Variants in CDC42EP1 observed in about 807,000 individuals in gnomAD.
CDC42EP1 encodes the protein CDC42 effector protein 1.
CDC42EP1 carries 6 observed loss-of-function variants against 7.4 expected under a neutral mutation model. The observed-to-expected ratio is 0.81, with a 90% confidence interval of 0.44 to 1.60. The LOEUF (loss-of-function observed/expected upper bound fraction) is 1.60, where lower values mean the gene tolerates loss of function less well. CDC42EP1 is among the 40% of genes most tolerant of loss of function. The probability of loss-of-function intolerance (pLI) is 0.01; values close to 1 mark genes in which losing one functional copy is unlikely to be tolerated. For missense variants in CDC42EP1, 567 were observed against 539.0 expected, an observed-to-expected ratio of 1.05 and a Z score of -0.51; for synonymous variants, 238 against 227.1, an observed-to-expected ratio of 1.05 and a Z score of -0.43.
Position 37,568,641 on chromosome 22 carries a change from G to T in CDC42EP1, c.997G>T (p.Glu333Ter). ...AGWDGGHHYP[E>*]MDARQERVEV... ...CTGGGATGGCGGCCACCACTACCCA[G>T]AGATGGATGCGCGGCAGGAGCGGGT... Residue 333 changes from glutamate (E) to a stop codon, truncating the protein, a stop_gained, in exon 3 of 3, where the codon GAG (glutamate) becomes TAG (stop). Transcript: ENST00000249014. LOFTEE classifies it low-confidence loss of function (END_TRUNC). The T allele has an allele frequency of 3.2e-6, 5 of 1,581,306 alleles. No homozygotes were observed. The South Asian group carries it at 5.7e-5, about 18-fold the overall frequency.
intron 1 of CDC42EP1, among the ~76,000 whole-genome samples, chr22:37,565,408 G>C (rs1925195003): frequency 6.6e-6 from 1 of 151,676 alleles, no homozygotes; most frequent in African/African-American, 2.4e-5. Flanking sequence ...CTCAGACTTA[G>C]AATGAGTGAA....
At position 37,568,179 on chromosome 22, in the gene CDC42EP1, G is replaced by C. The variant is rs1352090598; in HGVS notation, c.535G>C (p.Gly179Arg). 1.2e-6 allele frequency: 2 copies of C among 1,614,036 alleles called. No homozygotes were observed. The highest frequency in any genetic ancestry group is 1.7e-6 in the Non-Finnish European group (2 of 1,179,990). Residue 179 changes from glycine to arginine, a missense_variant, in exon 3 of 3, where the codon GGT becomes CGT. Physicochemically the swap from Gly to Arg is moderately radical, Grantham distance 125. Coordinates refer to ENST00000249014, the MANE Select transcript of CDC42EP1 (RefSeq NM_152243.3). ...SEKPHDRDRD[G>R]SFPSEPGLRR... ...AAAGCCGCATGACCGAGACCGGGAT[G>C]GTTCCTTCCCCTCTGAGCCCGGGCT...
chr22:37,567,985 C>T (rs548125575), intron 2 of CDC42EP1, 123 bp from the exon 3 acceptor site: 107 of 770,402 alleles, frequency 1.4e-4, no homozygotes, highest in African/African-American at 9.7e-4. Flanking sequence ...TGGGAGAAAC[C>T]GAGGCCAGAG....
chr22:37,561,624 A>G lies in CDC42EP1; in HGVS notation c.-279+1036A>G, dbSNP rs535946980. On this transcript the variant is annotated intron_variant, in intron 1 of 2. Coordinates refer to ENST00000249014, the MANE Select transcript of CDC42EP1 (RefSeq NM_152243.3). ...GCAGGAGAAGTCAGCCGACCGGTTT[A>G]ACCCCTTATTCCAGGGACCAGAGCA... Among the ~76,000 whole-genome samples, 11 of 152,326 alleles carry G rather than the reference A, an allele frequency of 7.2e-5. No individual in the cohort carries two copies. The East Asian group carries it at 2.1e-3, about 29-fold the overall frequency.
chr22:37,566,691 C>T lies in CDC42EP1; in HGVS notation c.342C>T (p.Pro114=). 1 of 1,612,004 alleles carries T rather than the reference C, an allele frequency of 6.2e-7. No individual in the cohort carries two copies. Among genetic ancestry groups the T allele is most frequent in the Non-Finnish European group, 8.5e-7 (1 of 1,178,796 alleles). Residue 114 remains proline (P), a synonymous_variant, in exon 2 of 3, where the codon CCC becomes CCT. Transcript: ENST00000249014. This position sits in a 1 kb window ranked among gnomAD's most constrained non-coding sequence, Gnocchi z 6.4. The part of the protein sequence containing the change: ...APSPAPPAIS[P]IIKNAISLPQ... ...CCCCGGCTCCACCGGCCATCTCCCC[C>T]ATCATCAAGAACGCCATCTCCCTGC... is the stretch of plus-strand genomic sequence containing the variant.
chr22:37,562,911 C>T (rs1925097804), intron 1 of CDC42EP1, among the ~76,000 whole-genome samples: 1 of 152,036 alleles, frequency 6.6e-6, no homozygotes. Context: ...AATTTGAGAC[C>T]AACCTGGGCA....
At position 37,566,877 on chromosome 22, in the gene CDC42EP1, T is replaced by G; in HGVS notation, c.463+65T>G. 2.4e-6 allele frequency: 3 copies of G among 1,255,402 alleles called. No homozygotes were observed. The highest frequency in any genetic ancestry group is 2.2e-6 in the Non-Finnish European group (2 of 906,552). The allele number at this position is 1,255,402 out of a possible 1,614,324, so 77.8% of individuals were successfully genotyped here. The stretch of plus-strand genomic sequence containing the variant: ...GAGGCTGAGGCCCAGAGGGGTTCAG[T>G]GGCTCCTCCAAGCTCCAAGTGAGCT... On this transcript the variant is annotated intron_variant, in intron 2 of 2. Transcript: ENST00000249014. This position sits in a 1 kb window ranked among gnomAD's most constrained non-coding sequence, Gnocchi z 6.4.
intron 1 of CDC42EP1, chr22:37,565,826 C>T (rs56763734): frequency 0.014 from 2,082 of 152,104 alleles, 46 homozygotes; most frequent in African/African-American, 0.048. Context: ...GTGAGCCACC[C>T]ACCTCAACCT....
In CDC42EP1 at chr22:37,568,898, G is replaced by A. The variant is rs112061003; in HGVS notation, c.*78G>A. ...CCTAACAGCTGGTTCCTACCAGACC[G>A]GAGAGGGGAGAAGTCATGTTGCCCC... is the stretch of plus-strand genomic sequence containing the variant. On this transcript the variant is annotated 3_prime_UTR_variant, in exon 3 of 3. Transcript: ENST00000249014. 0.015 allele frequency: 15,500 copies of A among 1,005,938 alleles called. 162 individuals carry two copies. Among genetic ancestry groups the A allele is most frequent in the Non-Finnish European group, 0.018 (13,511 of 732,878 alleles). The allele number at this position is 1,005,938 out of a possible 1,614,324, so 62.3% of individuals were successfully genotyped here.
intron 1 of CDC42EP1, among the ~76,000 whole-genome samples, chr22:37,564,713 GTTAC>G (rs1281149279): frequency 1.3e-5 from 2 of 151,982 alleles, no homozygotes; most frequent in East Asian, 3.8e-4. Context: ...CCTCAGGCAA[GTTAC>G]GTCACTTTGT....
Position 37,568,574 on chromosome 22 carries a change from A to G in CDC42EP1, c.930A>G (p.Arg310=). ...VKSSPVGGGP[R]GPAGPALGRH... ...CCAGCCCAGTGGGAGGGGGTCCCCG[A>G]GGACCTGCTGGCCCTGCCCTCGGCA... The change falls in exon 3 of 3, where the codon CGA becomes CGG. Residue 310 remains arginine (R), a synonymous_variant. Transcript: ENST00000249014. 1 of 1,604,174 alleles carries G rather than the reference A, an allele frequency of 6.2e-7. No homozygotes were observed. The highest frequency in any genetic ancestry group is 8.5e-7 in the Non-Finnish European group (1 of 1,175,758).
At position 37,566,774 on chromosome 22, in the gene CDC42EP1, G is replaced by A. The variant is rs147161865; in HGVS notation, c.425G>A (p.Ser142Asn). ...SLVVGKLSFD[S>N]SPTSSTDGHS... ...GTGGTTGGCAAGCTCAGCTTCGACA[G>A]CAGCCCCACCAGCTCCACGGACGGC... is the stretch of plus-strand genomic sequence containing the variant. The change falls in exon 2 of 3, where the codon AGC becomes AAC. Residue 142 changes from serine (S) to asparagine (N), a missense_variant. Transcript: ENST00000249014. This position sits in a 1 kb window ranked among gnomAD's most constrained non-coding sequence, Gnocchi z 6.4. 53 of 1,584,394 alleles carry A rather than the reference G, an allele frequency of 3.3e-5. No individual in the cohort carries two copies. The highest frequency in any genetic ancestry group is 4.5e-5 in the Non-Finnish European group (53 of 1,165,882).
intron 1 of CDC42EP1, among the ~76,000 whole-genome samples, chr22:37,563,502 C>CA (rs1378664719): frequency 6.6e-6 from 1 of 152,038 alleles, no homozygotes; most frequent in Non-Finnish European, 1.5e-5. Flanking sequence ...AGTTCCCCCC[C>CA]ACGAGGGGGA....
At position 37,566,303 on chromosome 22, in the gene CDC42EP1, C is replaced by A; in HGVS notation, c.-47C>A. 9.3e-7 allele frequency: 1 copy of A among 1,078,930 alleles called. No individual in the cohort carries two copies. The highest frequency in any genetic ancestry group is 1.3e-6 in the Non-Finnish European group (1 of 788,460). 66.8% of individuals were successfully genotyped at this position (1,078,930 alleles called of 1,614,324 possible). A position where few individuals can be genotyped will look rare whatever the true frequency, so the allele number is the denominator to read the frequency against. On this transcript the variant is annotated 5_prime_UTR_variant, in exon 2 of 3. Transcript: ENST00000249014. The surrounding 1 kb of genome is among the most constrained non-coding windows in gnomAD (Gnocchi z 6.4). ...CCCAAGCCCAGCCCACCTCCCTCCC[C>A]CGGCCCCTGGTAGGCATGGACTAGC...
chr22:37,560,816 G>A (rs1219937314), intron 1 of CDC42EP1, among the ~76,000 whole-genome samples: 1 of 152,046 alleles, frequency 6.6e-6, no homozygotes, highest in Non-Finnish European at 1.5e-5. Flanking sequence ...GCTGGTGGAG[G>A]GGGCAGAGGA....
Position 37,568,569 on chromosome 22 carries a change from C to T in CDC42EP1, c.925C>T (p.Pro309Ser), listed in dbSNP as rs1476290333. The T allele has an allele frequency of 3.1e-6, 5 of 1,604,564 alleles. No homozygotes were observed. The highest frequency in any genetic ancestry group is 4.3e-6 in the Non-Finnish European group (5 of 1,175,892). ...GAAGTCCAGCCCAGTGGGAGGGGGTCCCCGAGGACCTGCTGGCCCTGCCCT... is the reference window on the plus strand; with the variant it reads ...GAAGTCCAGCCCAGTGGGAGGGGGTTCCCGAGGACCTGCTGGCCCTGCCCT... ...EVKSSPVGGG[P>S]RGPAGPALGR... The change falls in exon 3 of 3, where the codon CCC (proline) becomes TCC (serine). Residue 309 changes from proline (P) to serine (S), a missense_variant. Pro to Ser is a moderately conservative substitution (Grantham distance 74). Transcript: ENST00000249014.
At chr22:37,562,467 G>A (rs1358757784) in intron 1 of CDC42EP1, among the ~76,000 whole-genome samples, 2 of 152,200 alleles carry the variant, frequency 1.3e-5, no homozygotes, top group Non-Finnish European at 2.9e-5. Flanking sequence ...GTGTAAAGGT[G>A]TCAGATTTGA....
Position 37,568,029 on chromosome 22 carries a change from C to A in CDC42EP1, c.464-79C>A, listed in dbSNP as rs752673318. ...GACTAGCCAGAGGCCACACAGCAAGCCAGGACTGGTCCTGTCTCCCCTCCT... is the reference window on the plus strand; with the variant it reads ...GACTAGCCAGAGGCCACACAGCAAGACAGGACTGGTCCTGTCTCCCCTCCT... On this transcript the variant is annotated intron_variant, in intron 2 of 2. Coordinates refer to ENST00000249014, the MANE Select transcript of CDC42EP1 (RefSeq NM_152243.3). 3.1e-6 allele frequency: 4 copies of A among 1,285,862 alleles called. No homozygotes were observed. In the Admixed American group the frequency reaches 5.8e-5, roughly 19 times the overall value. The allele number at this position is 1,285,862 out of a possible 1,614,324, so 79.7% of individuals were successfully genotyped here.
At position 37,568,734 on chromosome 22, in the gene CDC42EP1, G is replaced by A. The variant is rs747908235; in HGVS notation, c.1090G>A (p.Gly364Ser). ...LDEEWRAPQA[G>S]SRTPVPSTVQ... Reference sequence around the variant, plus strand: ...CGAAGAGTGGAGGGCGCCCCAGGCAGGCAGCAGGACCCCAGTGCCCAGCAC... The same window carrying A: ...CGAAGAGTGGAGGGCGCCCCAGGCAAGCAGCAGGACCCCAGTGCCCAGCAC... Residue 364 changes from glycine to serine, a missense_variant, in exon 3 of 3, where the codon GGC becomes AGC. Coordinates refer to ENST00000249014, the MANE Select transcript of CDC42EP1 (RefSeq NM_152243.3). 8 of 1,524,202 alleles carry A rather than the reference G, an allele frequency of 5.2e-6. No individual in the cohort carries two copies. The African/African-American group carries it at 9.7e-5, about 19-fold the overall frequency. 94.4% of individuals were successfully genotyped at this position (1,524,202 alleles called of 1,614,324 possible).
Sources: allele counts gnomAD v4.1 joint callset (sites outside exome capture counted in the v4.1 genomes callset), GRCh38; gene constraint gnomAD v4.1.1; non-coding constraint Gnocchi (gnomAD v3.1); transcripts MANE v1.5; gene names NCBI Gene and HGNC (gene_info 2026-07-23, HGNC 2026-07-21).